Variants in AKAP6 observed in about 807,000 individuals in gnomAD.
The protein encoded by AKAP6 is A-kinase anchoring protein 6.
AKAP6 carries 58 observed loss-of-function variants against 188.5 expected under a neutral mutation model. The observed-to-expected ratio is 0.31, with a 90% confidence interval of 0.25 to 0.38. The LOEUF (loss-of-function observed/expected upper bound fraction) is 0.38, where lower values mean the gene tolerates loss of function less well. Ranked by LOEUF, AKAP6 falls within the 10% of genes least tolerant of loss-of-function variation. The pLI, the probability that AKAP6 is intolerant of heterozygous loss-of-function variation, is 1.00. For synonymous variants in AKAP6, 989 were observed against 998.6 expected (o/e 0.99, Z 0.18); for missense variants, 2,710 against 2,740.0 (o/e 0.99, Z 0.24).
chr14:32,633,997 C>T (rs1158851148), intron 7 of AKAP6, among the ~76,000 whole-genome samples: 1 of 152,028 alleles, frequency 6.6e-6, no homozygotes, highest in African/African-American at 2.4e-5. Context: ...ATTTCTGTGT[C>T]AAACTTATTT....
chr14:32,818,704 G>T (rs550815501), intron 12 of AKAP6, among the ~76,000 whole-genome samples: 70 of 152,216 alleles, frequency 4.6e-4, no homozygotes, highest in African/African-American at 1.6e-3. Context: ...GGCAGCATTT[G>T]GTCAGAAAAC....
chr14:32,615,191 A>AAAAAAG (rs1886518809), intron 7 of AKAP6, among the ~76,000 whole-genome samples: 1 of 149,756 alleles, frequency 6.7e-6, no homozygotes, highest in African/African-American at 2.4e-5. Context: ...AAAAAAGATA[A>AAAAAAG]ACAAGAAGAA....
At chr14:32,680,997 G>A (rs1485569129) in intron 8 of AKAP6, among the ~76,000 whole-genome samples, 1 of 152,106 alleles carries the variant, frequency 6.6e-6, no homozygotes, top group Non-Finnish European at 1.5e-5. Context: ...GCTCCTGGAG[G>A]GACCTGCAGT....
intron 1 of AKAP6, among the ~76,000 whole-genome samples, chr14:32,430,958 A>G (rs1890200740): frequency 6.6e-6 from 1 of 152,068 alleles, no homozygotes; most frequent in Non-Finnish European, 1.5e-5. Flanking sequence ...AAGTACAATT[A>G]GCCAGGCATA....
At chr14:32,502,032 C>A (rs1237510283) in intron 2 of AKAP6, among the ~76,000 whole-genome samples, 1 of 152,072 alleles carries the variant, frequency 6.6e-6, no homozygotes, top group Non-Finnish European at 1.5e-5. Flanking sequence ...GGGCCTTTTC[C>A]TTCCTCATAC....
intron 2 of AKAP6, among the ~76,000 whole-genome samples, chr14:32,526,837 C>T (rs1882157630): frequency 6.6e-6 from 1 of 152,160 alleles, no homozygotes; most frequent in African/African-American, 2.4e-5. Flanking sequence ...AAGAGGCAGG[C>T]ACAGAGGTAG....
chr14:32,679,762 T>C (rs1210621762), intron 8 of AKAP6, among the ~76,000 whole-genome samples: 2 of 152,210 alleles, frequency 1.3e-5, no homozygotes, highest in African/African-American at 4.8e-5. Flanking sequence ...CTATAACTTG[T>C]TGCTCCATCA....
intron 5 of AKAP6, among the ~76,000 whole-genome samples, chr14:32,593,223 A>G (rs1259454795): frequency 6.6e-6 from 1 of 152,208 alleles, no homozygotes; most frequent in African/African-American, 2.4e-5. Flanking sequence ...AGGGATGATG[A>G]TGAAAGCCTG....
chr14:32,624,133 T>C (rs1454531939), intron 7 of AKAP6, among the ~76,000 whole-genome samples: 4 of 152,150 alleles, frequency 2.6e-5, no homozygotes, highest in African/African-American at 9.6e-5. Flanking sequence ...TTAGAAGATA[T>C]TCACATAGTG....
intron 12 of AKAP6, among the ~76,000 whole-genome samples, chr14:32,809,311 G>T (rs1213450175): frequency 6.6e-6 from 1 of 152,210 alleles, no homozygotes; most frequent in African/African-American, 2.4e-5. Flanking sequence ...GCGTTTAAGT[G>T]TTAAAAAATT....
chr14:32,620,129 A>G (rs762271514), intron 7 of AKAP6, among the ~76,000 whole-genome samples: 11 of 151,964 alleles, frequency 7.2e-5, no homozygotes, highest in Non-Finnish European at 1.6e-4. Context: ...AGTTTAACTC[A>G]TATTTTCCAA....
intron 2 of AKAP6, among the ~76,000 whole-genome samples, chr14:32,483,442 AT>A (rs1247967760): frequency 1.3e-5 from 2 of 151,562 alleles, no homozygotes; most frequent in East Asian, 1.9e-4. Flanking sequence ...GTGAAGTTTG[AT>A]TTTTTTTCTC....
rs375709469 is a variant in AKAP6 at position 32,654,245 on chromosome 14, TC to T, written c.2731-24065del. Among the ~76,000 whole-genome samples, 69 of 152,226 alleles carry T rather than the reference TC, an allele frequency of 4.5e-4. No individual in the cohort carries two copies. The East Asian group carries it at 0.01, about 23-fold the overall frequency. ...GGAGCTATGTGAAGCCATTACAAAC[TC>T]TAGTTTCACAAGAATTGGACTCTGA... On this transcript the variant is annotated intron_variant, in intron 7 of 13. Coordinates refer to ENST00000280979, the MANE Select transcript of AKAP6 (RefSeq NM_004274.5).
At chr14:32,588,679 C>T (rs1013314827) in intron 5 of AKAP6, among the ~76,000 whole-genome samples, 24 of 152,124 alleles carry the variant, frequency 1.6e-4, no homozygotes, top group Admixed American at 1.6e-3. Context: ...TTCCTACAGA[C>T]AGTGCTTACA....
intron 11 of AKAP6, among the ~76,000 whole-genome samples, chr14:32,740,820 T>G (rs2031637875): frequency 6.6e-6 from 1 of 152,036 alleles, no homozygotes; most frequent in African/African-American, 2.4e-5. Context: ...TTATTCTTTT[T>G]CCTCAGGATA....
At chr14:32,427,839 G>A (rs371416922) in intron 1 of AKAP6, among the ~76,000 whole-genome samples, 4 of 152,190 alleles carry the variant, frequency 2.6e-5, no homozygotes, top group East Asian at 3.8e-4. Context: ...CTTATGTGAT[G>A]CTTAATATAA....
intron 7 of AKAP6, among the ~76,000 whole-genome samples, chr14:32,632,050 C>T (rs2139456688): frequency 6.6e-6 from 1 of 152,074 alleles, no homozygotes; most frequent in African/African-American, 2.4e-5. Context: ...GGCTTATAAA[C>T]ATTTTTTGGT....
chr14:32,442,332 A>G (rs1379409410), intron 2 of AKAP6: 1 of 152,176 alleles, frequency 6.6e-6, no homozygotes, highest in Non-Finnish European at 1.5e-5. Context: ...ATAAAGCATA[A>G]TAGTTCCGGC....
chr14:32,821,609 G>A lies in AKAP6; in HGVS notation c.3796G>A (p.Asp1266Asn). 2 of 1,613,718 alleles carry A rather than the reference G, an allele frequency of 1.2e-6. No individual in the cohort carries two copies. Among genetic ancestry groups the A allele is most frequent in the Non-Finnish European group, 8.5e-7 (1 of 1,179,868 alleles). The change falls in exon 13 of 14, where the codon GAT becomes AAT. Residue 1266 changes from aspartate to asparagine, a missense_variant. Asp to Asn is a conservative substitution (Grantham distance 23). This residue lies in a region of AKAP6 where 2,473 missense variants were observed against 2,426.1 expected (regional missense o/e 1.02). Transcript: ENST00000280979. ...NEDPGYDEEA[D>N]NHGGSQYASN... Reference sequence around the variant, plus strand: ...GGACCCTGGTTATGACGAGGAGGCTGATAACCATGGGGGATCTCAGTATGC... The same window carrying A: ...GGACCCTGGTTATGACGAGGAGGCTAATAACCATGGGGGATCTCAGTATGC...
Sources: gnomAD v4.1 joint callset for allele counts (sites outside exome capture counted in the v4.1 genomes callset) on GRCh38, gnomAD v4.1.1 for gene constraint, gnomAD v4.1.1 regional missense constraint, MANE v1.5 for transcripts, NCBI Gene and HGNC (gene_info 2026-07-23, HGNC 2026-07-21) for gene names.